Variants in VWF observed in about 807,000 individuals in gnomAD.
VWF encodes Factor VIII related antigen.
In VWF, 176 loss-of-function variants were observed where a neutral mutation model predicts 308.6. That is an observed-to-expected ratio of 0.57 (90% CI 0.50 to 0.65). The LOEUF is 0.65. Ranked by LOEUF, VWF falls within the 30% of genes least tolerant of loss-of-function variation. The probability of loss-of-function intolerance (pLI) is 0.00; values close to 1 mark genes in which losing one functional copy is unlikely to be tolerated. For synonymous variants in VWF, 1,385 were observed against 1,443.4 expected (o/e 0.96, Z 0.92); for missense variants, 3,146 against 3,648.2 (o/e 0.86, Z 3.55).
intron 51 of VWF, 63 bp downstream of exon 51, chr12:5,949,723 T>C: frequency 6.8e-7 from 1 of 1,479,754 alleles, no homozygotes; most frequent in Admixed American, 1.7e-5. Flanking sequence ...TAACTAAGGA[T>C]AGGTATCCGA....
intron 6 of VWF, among the ~76,000 whole-genome samples, chr12:6,091,780 G>C (rs909701287): frequency 2.6e-5 from 4 of 152,206 alleles, no homozygotes; most frequent in African/African-American, 9.7e-5. Context: ...AAACACAAGG[G>C]CCCACTGGTA....
chr12:6,052,797 G>A lies in VWF; in HGVS notation c.1946-14C>T, dbSNP rs199686091. The A allele has an allele frequency of 1.3e-5, 21 of 1,609,868 alleles. No homozygotes were observed. Among genetic ancestry groups the A allele is most frequent in the Middle Eastern group, 1.7e-4 (1 of 6,056 alleles). ...GGCAGTTCAGCTCTAGAAGAGAGAG[G>A]AGAAGTAAGGCCTCAGCGGGAATGT... On this transcript the variant is annotated splice_polypyrimidine_tract_variant and intron_variant, in intron 15 of 51. Transcript: ENST00000261405.
chr12:6,087,211 G>A (rs963956534), intron 6 of VWF, among the ~76,000 whole-genome samples: 2 of 152,020 alleles, frequency 1.3e-5, no homozygotes, highest in Admixed American at 1.3e-4. Flanking sequence ...CAGTATTCAG[G>A]GACACGGAAG....
At chr12:6,089,200 A>G (rs535390331) in intron 6 of VWF, among the ~76,000 whole-genome samples, 56 of 152,352 alleles carry the variant, frequency 3.7e-4, no homozygotes, top group African/African-American at 1.2e-3. Flanking sequence ...TCAAAAGGCC[A>G]TATTAATCAC....
chr12:5,992,977 C>A (rs894008138), intron 37 of VWF, among the ~76,000 whole-genome samples: 1 of 152,188 alleles, frequency 6.6e-6, no homozygotes, highest in Non-Finnish European at 1.5e-5. Context: ...AAGGAACCTA[C>A]AGGTTATCTA....
chr12:6,061,784 C>T (rs1248957620), intron 13 of VWF, among the ~76,000 whole-genome samples: 4 of 152,186 alleles, frequency 2.6e-5, no homozygotes, highest in Non-Finnish European at 4.4e-5. Flanking sequence ...ACTATGAAGA[C>T]GCTATTTGCC....
chr12:5,993,710 C>T, intron 37 of VWF, 152 bp downstream of exon 37: 1 of 647,224 alleles, frequency 1.5e-6, no homozygotes, highest in East Asian at 2.8e-5. Context: ...TATATATCTT[C>T]CATCTTATTT....
intron 5 of VWF, chr12:6,096,103 GGATA>G (rs893130682): frequency 1.0e-4 from 17 of 162,258 alleles, no homozygotes; most frequent in Middle Eastern, 3.0e-3. Flanking sequence ...AAGGATGGAT[GGATA>G]GATGGATGGA....
intron 5 of VWF, 85 bp from the exon 6 acceptor site, chr12:6,095,669 T>C (rs907710417): frequency 1.3e-5 from 20 of 1,591,776 alleles, no homozygotes; most frequent in Non-Finnish European, 1.6e-5. Flanking sequence ...CTGCTGGTGG[T>C]TTTGTGTGTT....
chr12:5,995,956 T>C (rs769085745), intron 35 of VWF, 46 bp downstream of exon 35: 20 of 1,588,904 alleles, frequency 1.3e-5, no homozygotes, highest in Non-Finnish European at 1.6e-5. Context: ...GTGGTTTTCC[T>C]GACATTCTAT....
chr12:6,121,424 T>TA, intron 2 of VWF, 86 bp from the exon 3 acceptor site: 1 of 1,514,724 alleles, frequency 6.6e-7, no homozygotes, highest in Non-Finnish European at 9.0e-7. Context: ...TCGTAGAAAT[T>TA]AGACTGCCTC....
At chr12:6,102,607 C>T (rs1945177661) in intron 5 of VWF, among the ~76,000 whole-genome samples, 1 of 144,450 alleles carries the variant, frequency 6.9e-6, no homozygotes, top group South Asian at 2.2e-4. Context: ...TGGTGGCAGG[C>T]GCCTGTAGTC....
rs1369807837 is a variant in VWF, at chr12:6,029,412, A to G, written c.2897T>C (p.Leu966Pro). ...CCAGACCACGGAGAGGGCTTTGCCC[A>G]GCAGCAGAATGATGTACCGGCCAGA... ...VESGRYIILLLGKALSVVWDR... is the reference protein window; with the variant it reads ...VESGRYIILLPGKALSVVWDR... Residue 966 changes from leucine to proline, a missense_variant, in exon 22 of 52, where the codon CTG becomes CCG. Leu to Pro is a moderately conservative substitution (Grantham distance 98, BLOSUM62 -3). This residue lies in a region of VWF where 1,304 missense variants were observed against 1,353.0 expected (regional missense o/e 0.96). Transcript: ENST00000261405. 6.2e-7 allele frequency: 1 copy of G among 1,614,154 alleles called. No individual in the cohort carries two copies. Among genetic ancestry groups the G allele is most frequent in the Non-Finnish European group, 8.5e-7 (1 of 1,180,030 alleles).
intron 47 of VWF, among the ~76,000 whole-genome samples, chr12:5,967,124 G>A (rs926357383): frequency 6.6e-6 from 1 of 152,092 alleles, no homozygotes; most frequent in African/African-American, 2.4e-5. Flanking sequence ...GCACATAGGA[G>A]GTGTCTGATA....
chr12:5,972,676 C>T (rs1017212436), intron 43 of VWF, among the ~76,000 whole-genome samples: 2 of 152,144 alleles, frequency 1.3e-5, no homozygotes, highest in East Asian at 1.9e-4. Flanking sequence ...CTGATATCAC[C>T]GCCCACCTCC....
chr12:5,965,428 T>C (rs1337499494), intron 47 of VWF, among the ~76,000 whole-genome samples: 2 of 152,200 alleles, frequency 1.3e-5, no homozygotes, highest in African/African-American at 2.4e-5. Context: ...GAAGGTCTAT[T>C]CGACATTCAA....
chr12:5,966,392 C>T (rs1214856224), intron 47 of VWF, among the ~76,000 whole-genome samples: 1 of 152,184 alleles, frequency 6.6e-6, no homozygotes, highest in Admixed American at 6.5e-5. Context: ...TACCTTCTTC[C>T]TAATTAAGGA....
rs1478534744 is a variant in VWF, at chr12:6,036,535, A to T, written c.2443-44T>A. 3 of 1,580,270 alleles carry T rather than the reference A, an allele frequency of 1.9e-6. No homozygotes were observed. In the Admixed American group the frequency reaches 5.0e-5, roughly 26 times the overall value. On this transcript the variant is annotated intron_variant, in intron 18 of 51. Transcript: ENST00000261405. The stretch of plus-strand genomic sequence containing the variant: ...AAAGTCCTCAGGGCCACAGTGACTG[A>T]TCTAAAGCCCTCCTCCAGCCCGCTC...
Position 6,022,153 on chromosome 12 carries a change from T to C in VWF, c.3539-118A>G. On this transcript the variant is annotated intron_variant, in intron 26 of 51. Coordinates refer to ENST00000261405, the MANE Select transcript of VWF (RefSeq NM_000552.5). Reference sequence around the variant, plus strand: ...TCCTGCCCTAGAAGCCAACTCCTCCTGCCTGCACTCCCAGGGGTCACCCCA... The same window carrying C: ...TCCTGCCCTAGAAGCCAACTCCTCCCGCCTGCACTCCCAGGGGTCACCCCA... 7 of 1,391,146 alleles carry C rather than the reference T, an allele frequency of 5.0e-6. No individual in the cohort carries two copies. In the South Asian group the frequency reaches 8.2e-5, roughly 16 times the overall value. 86.2% of individuals were successfully genotyped at this position (1,391,146 alleles called of 1,614,324 possible). A position where few individuals can be genotyped will look rare whatever the true frequency, so the allele number is the denominator to read the frequency against.
Sources: allele counts gnomAD v4.1 joint callset (sites outside exome capture counted in the v4.1 genomes callset), GRCh38; gene constraint gnomAD v4.1.1; regional missense constraint gnomAD v4.1.1; transcripts MANE v1.5; gene names NCBI Gene and HGNC (gene_info 2026-07-23, HGNC 2026-07-21).